The following STK32C variants were observed in gnomAD, a reference collection of about 807,000 sequenced individuals.
STK32C encodes the protein serine/threonine kinase 32C.
In STK32C, 31 loss-of-function variants were observed where a neutral mutation model predicts 56.5. That is an observed-to-expected ratio of 0.55 (90% confidence interval 0.41 to 0.74). The LOEUF (loss-of-function observed/expected upper bound fraction) is 0.74, where lower values mean the gene tolerates loss of function less well. STK32C is among the 30% of genes least tolerant of loss of function. The probability of loss-of-function intolerance (pLI) is 0.00; values close to 1 mark genes in which losing one functional copy is unlikely to be tolerated. For missense variants in STK32C, 544 were observed against 676.9 expected (o/e 0.80, Z 2.18); for synonymous variants, 309 against 289.4 (o/e 1.07, Z -0.69).
intron 1 of STK32C, among the ~76,000 whole-genome samples, chr10:132,251,101 A>G (rs148681805): frequency 0.022 from 3,371 of 152,252 alleles, 73 homozygotes; most frequent in Non-Finnish European, 0.033. Flanking sequence ...GGCCCCACAC[A>G]TCTGCCTCCT....
intron 1 of STK32C, among the ~76,000 whole-genome samples, chr10:132,304,476 G>C (rs2065999426): frequency 6.6e-6 from 1 of 152,190 alleles, no homozygotes; most frequent in Non-Finnish European, 1.5e-5. Context: ...CCTCAGGTCT[G>C]GAAGAGGCTG....
At chr10:132,300,509 A>AT in intron 1 of STK32C, among the ~76,000 whole-genome samples, 1 of 152,240 alleles carries the variant, frequency 6.6e-6, no homozygotes, top group East Asian at 1.9e-4. Flanking sequence ...AGCAGCCTTG[A>AT]TTTTTAAAAC....
intron 1 of STK32C, among the ~76,000 whole-genome samples, chr10:132,259,847 T>C (rs1015857174): frequency 2.6e-5 from 4 of 152,202 alleles, no homozygotes; most frequent in Non-Finnish European, 5.9e-5. Flanking sequence ...CTACACACTT[T>C]CTGGGATGTG....
chr10:132,266,531 G>C (rs894136515), intron 1 of STK32C, among the ~76,000 whole-genome samples: 3 of 152,146 alleles, frequency 2.0e-5, no homozygotes, highest in Non-Finnish European at 2.9e-5. Flanking sequence ...AGCGTTTTAG[G>C]CATCTTATCT....
At chr10:132,301,993 T>G (rs2065923911) in intron 1 of STK32C, among the ~76,000 whole-genome samples, 1 of 152,164 alleles carries the variant, frequency 6.6e-6, no homozygotes, top group Non-Finnish European at 1.5e-5. Flanking sequence ...TGGCACCGCC[T>G]GGGGCCGGCT....
chr10:132,245,855 G>T, intron 2 of STK32C, 45 bp downstream of exon 2: 7 of 1,584,124 alleles, frequency 4.4e-6, no homozygotes, highest in Non-Finnish European at 6.0e-6. Context: ...CCACGGTTCT[G>T]CCCCTGCCCC....
chr10:132,236,034 G>A lies in STK32C; in HGVS notation c.319-7906C>T, dbSNP rs12571508. Among the ~76,000 whole-genome samples the A allele has an allele frequency of 6.6e-5, 10 of 152,354 alleles. No individual in the cohort carries two copies. The East Asian group carries it at 1.9e-3, about 29-fold the overall frequency. ...GATTGGTGTCGCGTCGGTCCCTGATGAGGCCGGACCCGGGTGCTTGTGGGG... is the reference window on the plus strand; with the variant it reads ...GATTGGTGTCGCGTCGGTCCCTGATAAGGCCGGACCCGGGTGCTTGTGGGG... On this transcript the variant is annotated intron_variant, in intron 2 of 11. Coordinates refer to ENST00000298630, the MANE Select transcript of STK32C (RefSeq NM_173575.4).
At chr10:132,308,191 T>A (rs2066145343), upstream of STK32C, among the ~76,000 whole-genome samples, 1 of 151,102 alleles carries the variant, frequency 6.6e-6, no homozygotes. Context: ...AGTCTAGGGA[T>A]GGGGGCTGTG....
chr10:132,318,897 T>C (rs1264253316), intron 1 of STK32C, among the ~76,000 whole-genome samples: 1 of 151,602 alleles, frequency 6.6e-6, no homozygotes, highest in South Asian at 2.1e-4. Context: ...TACCAAGGGT[T>C]GGATGTGGCA....
intron 1 of STK32C, among the ~76,000 whole-genome samples, chr10:132,261,396 A>T (rs1281416774): frequency 6.6e-6 from 1 of 152,260 alleles, no homozygotes. Context: ...GCCAAAAAAT[A>T]AAATACAATA....
At chr10:132,242,144 C>G (rs938549965) in intron 2 of STK32C, among the ~76,000 whole-genome samples, 2 of 151,908 alleles carry the variant, frequency 1.3e-5, no homozygotes, top group African/African-American at 4.8e-5. Flanking sequence ...CTCCATTCTC[C>G]CCAGAACAGA....
chr10:132,215,943 C>A (rs2062457268), intron 10 of STK32C, among the ~76,000 whole-genome samples: 1 of 152,200 alleles, frequency 6.6e-6, no homozygotes, highest in Non-Finnish European at 1.5e-5. Context: ...GGAACTACAG[C>A]AAAGGTGGCT....
intron 2 of STK32C, 150 bp downstream of exon 2, chr10:132,245,750 G>A (rs1322613406): frequency 1.1e-5 from 8 of 748,472 alleles, no homozygotes; most frequent in Admixed American, 4.9e-5. Flanking sequence ...GAGTGCCCAC[G>A]TCCTCCCTAA....
intron 1 of STK32C, among the ~76,000 whole-genome samples, chr10:132,252,051 T>A (rs1191127671): frequency 6.6e-6 from 1 of 152,034 alleles, no homozygotes; most frequent in African/African-American, 2.4e-5. Flanking sequence ...CGCCTCCCCC[T>A]CACATCCCCA....
intron 1 of STK32C, among the ~76,000 whole-genome samples, chr10:132,329,111 G>A (rs2066574228): frequency 6.6e-6 from 1 of 152,252 alleles, no homozygotes; most frequent in Non-Finnish European, 1.5e-5. Flanking sequence ...TAAAATAAAT[G>A]TGTCTACCCC....
At chr10:132,281,182 C>T (rs1048558557) in intron 1 of STK32C, among the ~76,000 whole-genome samples, 1 of 77,076 alleles carries the variant, frequency 1.3e-5, no homozygotes, top group African/African-American at 4.2e-5. Flanking sequence ...CTCGTGGACA[C>T]ACACACACAC....
At chr10:132,249,017 G>T (rs1479498555) in intron 1 of STK32C, 3 of 467,184 alleles carry the variant, frequency 6.4e-6, no homozygotes, top group South Asian at 1.5e-5. Context: ...TGGGTCACCT[G>T]CGCCCTGCAC....
chr10:132,288,919 T>C (rs2065490246), intron 1 of STK32C, among the ~76,000 whole-genome samples: 2 of 152,224 alleles, frequency 1.3e-5, no homozygotes, highest in Non-Finnish European at 1.5e-5. Context: ...TGAATCAACA[T>C]CTTGGCAGGC....
intron 1 of STK32C, among the ~76,000 whole-genome samples, chr10:132,251,063 G>A (rs2063886533): frequency 6.6e-6 from 1 of 152,150 alleles, no homozygotes; most frequent in African/African-American, 2.4e-5. Context: ...CCATCCCTGG[G>A]GTCACCCCCA....
Sources: gnomAD v4.1 joint callset for allele counts (sites outside exome capture counted in the v4.1 genomes callset) on GRCh38, gnomAD v4.1.1 for gene constraint, MANE v1.5 for transcripts, NCBI Gene and HGNC (gene_info 2026-07-23, HGNC 2026-07-21) for gene names.